MBP: variants seen among roughly 807,000 people sequenced by gnomAD.
MBP encodes myelin basic protein.
In MBP, 16 loss-of-function variants were observed where a neutral mutation model predicts 35.8. The observed-to-expected ratio is 0.45, with a 90% CI of 0.30 to 0.68. The LOEUF (loss-of-function observed/expected upper bound fraction) is 0.68, where lower values mean the gene tolerates loss of function less well. Among genes scored for constraint, MBP ranks in the 30% least tolerant of loss-of-function variants. MBP has a pLI of 0.08. For synonymous variants in MBP, 143 were observed against 159.6 expected, an observed-to-expected ratio of 0.90 and a Z score of 0.78; for missense variants, 380 against 404.7, an observed-to-expected ratio of 0.94 and a Z score of 0.52.
intron 2 of MBP, chr18:77,068,893 A>C: frequency 2.2e-6 from 1 of 454,528 alleles, no homozygotes. Context: ...AAACACTCTC[A>C]GCCTCTTTGG....
At chr18:77,063,896 ATGTG>A (rs10554697) in intron 3 of MBP, among the ~76,000 whole-genome samples, 41,622 of 149,676 alleles carry the variant, frequency 0.28, 5,822 homozygotes, top group African/African-American at 0.35. Flanking sequence ...ACCTATACAT[ATGTG>A]TGTGTGTGTG....
intron 1 of MBP, among the ~76,000 whole-genome samples, chr18:77,111,948 C>G (rs958485225): frequency 6.6e-6 from 1 of 152,194 alleles, no homozygotes; most frequent in African/African-American, 2.4e-5. Context: ...GACGGGACTT[C>G]TCTTCTTTCA....
intron 3 of MBP, among the ~76,000 whole-genome samples, chr18:77,045,548 A>T (rs184350733): frequency 6.6e-6 from 1 of 150,412 alleles, no homozygotes; most frequent in Non-Finnish European, 1.5e-5. Context: ...CAATGTCCTA[A>T]GGAAGGCACC....
rs1243924560 is a variant in MBP, at chr18:77,013,981, C to T, written c.576+2851G>A. 15 of 985,374 alleles carry T rather than the reference C, an allele frequency of 1.5e-5. No individual in the cohort carries two copies. In the South Asian group the frequency reaches 3.8e-4, roughly 25 times the overall value. The allele number at this position is 985,374 out of a possible 1,614,324, so 61.0% of individuals were successfully genotyped here. On this transcript the variant is annotated intron_variant, in intron 4 of 8. Transcript: ENST00000355994. ...GAGAGGTCACTTAGAGAGAAGCTGC[C>T]GGGCCAAGCACACGACAATCTTGGC...
In MBP at chr18:77,017,180, G is replaced by A; in HGVS notation, c.228C>T (p.Ala76=). The A allele has an allele frequency of 6.5e-7, 1 of 1,542,972 alleles. No homozygotes were observed. The highest frequency in any genetic ancestry group is 8.7e-7 in the Non-Finnish European group (1 of 1,144,018). The stretch of plus-strand genomic sequence containing the variant: ...GGTCAGCTGGGTGGGCATCCTGCCA[G>A]GCATTCTTCGGGTCCGCTGTGCGCT... The part of the protein sequence containing the change: ...DSKRTADPKN[A]WQDAHPADPG... Residue 76 remains alanine, a synonymous_variant, in exon 4 of 9, where the codon GCC becomes GCT. Coordinates refer to ENST00000355994, the MANE Select transcript of MBP (RefSeq NM_001025101.2).
chr18:77,123,736 C>T (rs956157385), intron 1 of MBP, among the ~76,000 whole-genome samples: 1 of 152,220 alleles, frequency 6.6e-6, no homozygotes, highest in Admixed American at 6.5e-5. Context: ...GGTCAGGGGG[C>T]CACGGCAGAT....
At position 77,131,060 on chromosome 18, in the gene MBP, AACACAC is replaced by A. The variant is rs371361297; in HGVS notation, c.-26+1514_-26+1519del. ...AAAAAAACAAAACCTCAAAAAACAA[AACACAC>A]ACACGCGCGCACGCACGCGCACACA... On this transcript the variant is annotated intron_variant, in intron 1 of 8. Transcript: ENST00000355994. The surrounding 1 kb of genome is among the most constrained non-coding windows in gnomAD (Gnocchi z 5.5). Among the ~76,000 whole-genome samples, 2 of 120,118 alleles carry A rather than the reference AACACAC, an allele frequency of 1.7e-5. No individual in the cohort carries two copies. The highest frequency in any genetic ancestry group is 3.2e-5 in the Non-Finnish European group (2 of 62,056). The allele number at this position is 120,118 out of a possible 152,430, so 78.8% of individuals were successfully genotyped here.
rs370193249 is a variant in MBP at position 76,986,086 on chromosome 18, C to T, written c.751-1192G>A. 3.8e-5 allele frequency: 37 copies of T among 985,568 alleles called. No individual in the cohort carries two copies. In the South Asian group the frequency reaches 1.5e-3, roughly 40 times the overall value. The allele number at this position is 985,568 out of a possible 1,614,324, so 61.1% of individuals were successfully genotyped here. A position where few individuals can be genotyped will look rare whatever the true frequency, so the allele number is the denominator to read the frequency against. ...GGAGTCTGGGCGCGGTGGACGTTAA[C>T]AATGGGGGGCGAAGTGTCCTCCCAC... is the stretch of plus-strand genomic sequence containing the variant. On this transcript the variant is annotated intron_variant, in intron 7 of 8. Transcript: ENST00000355994.
rs1969718650 is a variant in MBP, at chr18:76,988,762, G to A, written c.717+115C>T. 2 of 1,388,660 alleles carry A rather than the reference G, an allele frequency of 1.4e-6. No individual in the cohort carries two copies. The highest frequency in any genetic ancestry group is 1.3e-5 in the South Asian group (1 of 76,612). The allele number at this position is 1,388,660 out of a possible 1,614,324, so 86.0% of individuals were successfully genotyped here. A position where few individuals can be genotyped will look rare whatever the true frequency, so the allele number is the denominator to read the frequency against. On this transcript the variant is annotated intron_variant, in intron 6 of 8. Transcript: ENST00000355994. This position sits in a 1 kb window ranked among gnomAD's most constrained non-coding sequence, Gnocchi z 5.2. The stretch of plus-strand genomic sequence containing the variant: ...CTACTTGGGAGCTGCCTGGCAACAC[G>A]TTTTGGGATGGATTCTGGTAGCTCG...
intron 4 of MBP, among the ~76,000 whole-genome samples, chr18:76,993,546 T>G (rs1389636330): frequency 8.2e-6 from 1 of 121,508 alleles, no homozygotes; most frequent in Non-Finnish European, 1.7e-5. Flanking sequence ...CGAGACTTTG[T>G]CTCCAAAAAA....
intron 2 of MBP, chr18:77,068,841 G>A: frequency 2.5e-6 from 1 of 393,246 alleles, no homozygotes. Flanking sequence ...GTCTGGCATT[G>A]CTAGAGATGT....
intron 3 of MBP, among the ~76,000 whole-genome samples, chr18:77,026,204 C>T (rs2123550221): frequency 6.6e-6 from 1 of 152,364 alleles, no homozygotes; most frequent in Middle Eastern, 3.4e-3. Context: ...CAGCGCTTTT[C>T]ACGCTGGCTT....
At chr18:77,120,943 C>A (rs1395549599) in intron 1 of MBP, among the ~76,000 whole-genome samples, 1 of 152,224 alleles carries the variant, frequency 6.6e-6, no homozygotes, top group Non-Finnish European at 1.5e-5. Context: ...TGTTCTTGAG[C>A]AAATGCAGTT....
Position 77,101,824 on chromosome 18 carries a change from G to A in MBP, c.51+3387C>T, listed in dbSNP as rs1976026899. Among the ~76,000 whole-genome samples the A allele has an allele frequency of 6.6e-6, 1 of 152,184 alleles. No homozygotes were observed. Among genetic ancestry groups the A allele is most frequent in the Non-Finnish European group, 1.5e-5 (1 of 68,028 alleles). ...AGACTGGAAGCTCCTGCAGGCAACA[G>A]ACGAGGCCTCCCCACCACCTCCCCA... On this transcript the variant is annotated intron_variant, in intron 2 of 8. Coordinates refer to ENST00000355994, the MANE Select transcript of MBP (RefSeq NM_001025101.2). The surrounding 1 kb of genome is among the most constrained non-coding windows in gnomAD (Gnocchi z 4.3).
Position 76,988,365 on chromosome 18 carries a change from G to A in MBP, c.750+130C>T, listed in dbSNP as rs1969685992. 5 of 1,612,120 alleles carry A rather than the reference G, an allele frequency of 3.1e-6. No individual in the cohort carries two copies. The highest frequency in any genetic ancestry group is 1.3e-5 in the African/African-American group (1 of 75,030). On this transcript the variant is annotated intron_variant, in intron 7 of 8. Transcript: ENST00000355994. The surrounding 1 kb of genome is among the most constrained non-coding windows in gnomAD (Gnocchi z 5.2). ...GACAAGGCGGCCCGATCCCAGCTGT[G>A]GGCAGAGAGGTCTCGAGAGGAGAGA...
chr18:77,105,229 A>T lies in MBP; in HGVS notation c.33T>A (p.Asn11Lys). ...GTCTTACCGTACTGGCCTTCTCGGC[A>T]TTTAATTCTCGTTTGCCTGCGTGGT... MGNHAGKREL[N>K]AEKASTNSET... is the part of the protein sequence containing the mutation. The change falls in exon 2 of 9, where the codon AAT becomes AAA. Residue 11 changes from asparagine (N) to lysine (K), a missense_variant. By Grantham distance (94) the Asn-to-Lys change is moderately conservative. Transcript: ENST00000355994. 1 of 1,612,846 alleles carries T rather than the reference A, an allele frequency of 6.2e-7. No individual in the cohort carries two copies. The highest frequency in any genetic ancestry group is 8.5e-7 in the Non-Finnish European group (1 of 1,179,152).
At chr18:77,070,263 A>G (rs1974385819) in intron 2 of MBP, among the ~76,000 whole-genome samples, 1 of 152,200 alleles carries the variant, frequency 6.6e-6, no homozygotes, top group African/African-American at 2.4e-5. Flanking sequence ...ATCTGAGTCC[A>G]AACGGAACCT....
intron 3 of MBP, among the ~76,000 whole-genome samples, chr18:77,051,486 G>A (rs577564118): frequency 6.6e-6 from 1 of 152,302 alleles, no homozygotes; most frequent in South Asian, 2.1e-4. Context: ...CTGCTTCTGG[G>A]CCTCTGCACT....
intron 2 of MBP, among the ~76,000 whole-genome samples, chr18:77,070,737 C>T (rs56125933): frequency 0.084 from 12,720 of 152,168 alleles, 720 homozygotes; most frequent in Middle Eastern, 0.13. Context: ...CCTGGGAACT[C>T]GAGAGGTCCA....
Sources: gnomAD v4.1 joint callset for allele counts (sites outside exome capture counted in the v4.1 genomes callset) on GRCh38, gnomAD v4.1.1 for gene constraint, Gnocchi (gnomAD v3.1) non-coding constraint, MANE v1.5 for transcripts, NCBI Gene and HGNC (gene_info 2026-07-23, HGNC 2026-07-21) for gene names.